GRK3: variants seen among roughly 807,000 people sequenced by gnomAD.
GRK3 encodes adrenergic, beta, receptor kinase 2.
GRK3 carries 54 observed loss-of-function variants against 95.7 expected under a neutral mutation model. The ratio of observed to expected loss-of-function variants is 0.56; its 90% CI spans 0.45 to 0.71. The LOEUF is 0.71. GRK3 is among the 30% of genes least tolerant of loss of function. The pLI is 0.00. For missense variants in GRK3, 649 were observed against 851.2 expected (o/e 0.76, Z 2.96); for synonymous variants, 281 against 290.8 (o/e 0.97, Z 0.34).
At chr22:25,674,594 A>G in intron 8 of GRK3, 66 bp downstream of exon 8, 2 of 1,175,766 alleles carry the variant, frequency 1.7e-6, no homozygotes, top group Non-Finnish European at 2.5e-6. Context: ...ATGAAAAGAA[A>G]ATTCCTATAA....
At chr22:25,604,639 GA>G (rs1373946293) in intron 2 of GRK3, among the ~76,000 whole-genome samples, 186 bp downstream of exon 2, 1 of 152,190 alleles carries the variant, frequency 6.6e-6, no homozygotes, top group Non-Finnish European at 1.5e-5. Flanking sequence ...CATATTCTAT[GA>G]TTAAGCTCTT....
intron 9 of GRK3, among the ~76,000 whole-genome samples, chr22:25,682,048 T>G (rs1670458582): frequency 6.6e-6 from 1 of 152,246 alleles, no homozygotes; most frequent in African/African-American, 2.4e-5. Context: ...TCTGTAGAGA[T>G]AACCACATCT....
At chr22:25,635,042 C>T (rs932016308) in intron 2 of GRK3, among the ~76,000 whole-genome samples, 4 of 152,190 alleles carry the variant, frequency 2.6e-5, no homozygotes, top group South Asian at 2.1e-4. Context: ...TTGCGGCCCG[C>T]GGGCTGCATG....
chr22:25,716,369 A>G lies in GRK3; in HGVS notation c.1654+1799A>G, dbSNP rs114836775. On this transcript the variant is annotated intron_variant, in intron 18 of 20. Coordinates refer to ENST00000324198, the MANE Select transcript of GRK3 (RefSeq NM_005160.4). ...CAGCAGATTTTACACAGGAAATTGA[A>G]TCAATGTCGACTTGCTCAAGGGGGG... 5.1e-3 allele frequency among the ~76,000 whole-genome samples: 772 copies of G among 152,318 alleles called. 6 individuals carry two copies. The highest frequency in any genetic ancestry group is 0.018 in the African/African-American group (730 of 41,568).
At chr22:25,721,225 A>G (rs2085429981) in intron 19 of GRK3, 59 bp from the exon 20 acceptor site, 2 of 911,478 alleles carry the variant, frequency 2.2e-6, no homozygotes, top group East Asian at 2.6e-5. Context: ...AGTTTTTGGT[A>G]TTACTACTTA....
intron 3 of GRK3, among the ~76,000 whole-genome samples, chr22:25,650,021 T>TTA (rs1395435186): frequency 1.3e-5 from 2 of 151,836 alleles, no homozygotes; most frequent in Non-Finnish European, 2.9e-5. Context: ...AGACAGAGTC[T>TTA]TACCCTGTTG....
intron 3 of GRK3, among the ~76,000 whole-genome samples, chr22:25,651,467 T>C (rs2084830305): frequency 6.6e-6 from 1 of 152,180 alleles, no homozygotes; most frequent in Non-Finnish European, 1.5e-5. Context: ...CTAAAAACTG[T>C]GGTTGTTTTT....
intron 1 of GRK3, among the ~76,000 whole-genome samples, chr22:25,572,488 C>T (rs1254963687): frequency 6.6e-6 from 1 of 152,174 alleles, no homozygotes; most frequent in Non-Finnish European, 1.5e-5. Context: ...TAAAAGTGTT[C>T]TTATTTCTCC....
chr22:25,725,321 T>C lies in GRK3; in HGVS notation c.*2871T>C. On this transcript the variant is annotated 3_prime_UTR_variant, in exon 21 of 21. Coordinates refer to ENST00000324198, the MANE Select transcript of GRK3 (RefSeq NM_005160.4). ...AATTGAGGTTGATATTTTTACAAAA[T>C]CATGCGGTAATAAGTCTTGATTTCA... The C allele has an allele frequency of 2.7e-6, 1 of 377,280 alleles. No individual in the cohort carries two copies. Among genetic ancestry groups the C allele is most frequent in the Non-Finnish European group, 4.7e-6 (1 of 213,556 alleles). The allele number at this position is 377,280 out of a possible 1,614,324, so 23.4% of individuals were successfully genotyped here.
intron 2 of GRK3, among the ~76,000 whole-genome samples, chr22:25,636,197 T>C (rs552119293): frequency 1.3e-5 from 2 of 152,326 alleles, no homozygotes; most frequent in African/African-American, 4.8e-5. Context: ...GGAGCTCTAG[T>C]TGCTTTTAAT....
Position 25,564,984 on chromosome 22 carries a change from C to G in GRK3, c.-57C>G, listed in dbSNP as rs1053036371. 1 of 491,826 alleles carries G rather than the reference C, an allele frequency of 2.0e-6. No individual in the cohort carries two copies. Among genetic ancestry groups the G allele is most frequent in the Non-Finnish European group, 2.8e-6 (1 of 363,154 alleles). The allele number at this position is 491,826 out of a possible 1,614,324, so 30.5% of individuals were successfully genotyped here. On this transcript the variant is annotated 5_prime_UTR_variant, in exon 1 of 21. Transcript: ENST00000324198. ...GGGCGCGGCGGGCGGCGGCGGCGGG[C>G]GCGCGTCCCGTCCAGGTCCGGAGTA...
rs557713009 is a variant in GRK3 at position 25,698,465 on chromosome 22, G to T, written c.1160+3251G>T. ...GCAGAACCAATTCTAACCTGGAAGTGTAGGGTTGACATCATGTGGGAGATG... is the reference window on the plus strand; with the variant it reads ...GCAGAACCAATTCTAACCTGGAAGTTTAGGGTTGACATCATGTGGGAGATG... On this transcript the variant is annotated intron_variant, in intron 13 of 20. Transcript: ENST00000324198. 6.2e-4 allele frequency among the ~76,000 whole-genome samples: 95 copies of T among 152,236 alleles called. 1 individual carries two copies. The highest frequency in any genetic ancestry group is 1.3e-3 in the Non-Finnish European group (87 of 68,040).
intron 2 of GRK3, among the ~76,000 whole-genome samples, chr22:25,637,449 A>G (rs142328520): frequency 1.4e-4 from 22 of 152,356 alleles, no homozygotes; most frequent in African/African-American, 5.0e-4. Flanking sequence ...TTATTGCTGA[A>G]TAGTATTCCA....
At chr22:25,671,599 A>G (rs9613003) in intron 6 of GRK3, among the ~76,000 whole-genome samples, 6,005 of 152,018 alleles carry the variant, frequency 0.04, 172 homozygotes, top group Non-Finnish European at 0.064. Flanking sequence ...CCACTCTCCC[A>G]CTCTGTCACT....
At chr22:25,685,458 T>C (rs2085105563) in intron 10 of GRK3, among the ~76,000 whole-genome samples, 2 of 152,220 alleles carry the variant, frequency 1.3e-5, no homozygotes. Context: ...TCCCAGTCTC[T>C]TCCCAAGAAA....
At chr22:25,677,100 C>T (rs2085036075) in intron 8 of GRK3, among the ~76,000 whole-genome samples, 2 of 152,172 alleles carry the variant, frequency 1.3e-5, no homozygotes, top group South Asian at 4.1e-4. Flanking sequence ...GTGGCTCATG[C>T]CTGTAATCCC....
chr22:25,728,117 A>C lies in GRK3; in HGVS notation c.*5667A>C, dbSNP rs925009756. On this transcript the variant is annotated 3_prime_UTR_variant, in exon 21 of 21. Coordinates refer to ENST00000324198, the MANE Select transcript of GRK3 (RefSeq NM_005160.4). ...TTTATTTGTATAGTTTGTTATTTAAAGAAATGGCAGTCCTTCCTGTTCTTA... is the reference window on the plus strand; with the variant it reads ...TTTATTTGTATAGTTTGTTATTTAACGAAATGGCAGTCCTTCCTGTTCTTA... 6.6e-6 allele frequency: 1 copy of C among 152,232 alleles called. No individual in the cohort carries two copies. Among genetic ancestry groups the C allele is most frequent in the Admixed American group, 6.5e-5 (1 of 15,280 alleles). The allele number at this position is 152,232 out of a possible 1,614,324, so 9.4% of individuals were successfully genotyped here.
At chr22:25,606,937 C>G (rs2084453823) in intron 2 of GRK3, among the ~76,000 whole-genome samples, 1 of 152,150 alleles carries the variant, frequency 6.6e-6, no homozygotes, top group African/African-American at 2.4e-5. Flanking sequence ...GAGGGTTTAG[C>G]TGGTAATACA....
In GRK3 at chr22:25,666,447, C is replaced by A. The variant is rs1338615083; in HGVS notation, c.442-1292C>A. Among the ~76,000 whole-genome samples, 4 of 152,188 alleles carry A rather than the reference C, an allele frequency of 2.6e-5. No individual in the cohort carries two copies. The South Asian group carries it at 8.3e-4, about 32-fold the overall frequency. On this transcript the variant is annotated intron_variant, in intron 5 of 20. Transcript: ENST00000324198. Reference sequence around the variant, plus strand: ...AGGATTTCAGAGCTGGAAGGAACTTCAGAGAGAGATAATTTAGCTTCCTCT... The same window carrying A: ...AGGATTTCAGAGCTGGAAGGAACTTAAGAGAGAGATAATTTAGCTTCCTCT...
Sources: allele counts gnomAD v4.1 joint callset (sites outside exome capture counted in the v4.1 genomes callset), GRCh38; gene constraint gnomAD v4.1.1; transcripts MANE v1.5; gene names NCBI Gene and HGNC (gene_info 2026-07-23, HGNC 2026-07-21).